The following DSE variants were observed in gnomAD, a reference collection of about 807,000 sequenced individuals.
The protein encoded by DSE is dermatan-sulfate epimerase.
Under a neutral mutation model 84.4 loss-of-function variants are expected in DSE, and 36 were observed. The ratio of observed to expected loss-of-function variants is 0.43; its 90% CI spans 0.33 to 0.56. The LOEUF (loss-of-function observed/expected upper bound fraction) is 0.56. Among genes scored for constraint, DSE ranks in the 20% least tolerant of loss-of-function variants. The pLI is 0.06. For synonymous variants in DSE, 410 were observed against 430.1 expected (o/e 0.95, Z 0.58); for missense variants, 862 against 1,169.6 (o/e 0.74, Z 3.84).
chr6:116,423,392 C>G (rs1783221161), intron 2 of DSE, among the ~76,000 whole-genome samples: 1 of 152,036 alleles, frequency 6.6e-6, no homozygotes, highest in African/African-American at 2.4e-5. Flanking sequence ...TAATTTCTTC[C>G]TATATAATAA....
chr6:116,422,189 A>G (rs1783135680), intron 2 of DSE, among the ~76,000 whole-genome samples: 1 of 152,218 alleles, frequency 6.6e-6, no homozygotes, highest in African/African-American at 2.4e-5. Flanking sequence ...CCGAATGTTG[A>G]CACATTTAAT....
At chr6:116,297,150 G>A (rs1054475149) in intron 2 of DSE, among the ~76,000 whole-genome samples, 5 of 152,028 alleles carry the variant, frequency 3.3e-5, no homozygotes, top group Admixed American at 2.6e-4. Context: ...GTGTGCTGAC[G>A]GCTTCCTACT....
chr6:116,275,596 G>T (rs113337314), intron 2 of DSE, among the ~76,000 whole-genome samples: 24 of 152,000 alleles, frequency 1.6e-4, no homozygotes, highest in Non-Finnish European at 2.6e-4. Context: ...GTCAGGAGAT[G>T]GAGACCATCC....
intron 2 of DSE, among the ~76,000 whole-genome samples, chr6:116,419,742 C>T (rs573502223): frequency 6.6e-6 from 1 of 152,240 alleles, no homozygotes; most frequent in East Asian, 1.9e-4. Flanking sequence ...TTCATTTTAA[C>T]TTAAATTTGT....
chr6:116,338,389 A>AT (rs1378003841), intron 2 of DSE, among the ~76,000 whole-genome samples: 54 of 151,112 alleles, frequency 3.6e-4, no homozygotes, highest in African/African-American at 1.3e-3. Context: ...AGCCAAGATA[A>AT]TTTTTTGTAT....
intron 2 of DSE, among the ~76,000 whole-genome samples, chr6:116,341,331 T>C (rs2114820210): frequency 6.6e-6 from 1 of 152,316 alleles, no homozygotes; most frequent in Admixed American, 6.5e-5. Flanking sequence ...ATGGGATAAT[T>C]TTTTTCGTGT....
At chr6:116,408,574 T>G (rs1003004093) in intron 2 of DSE, among the ~76,000 whole-genome samples, 2 of 152,210 alleles carry the variant, frequency 1.3e-5, no homozygotes, top group Admixed American at 6.5e-5. Context: ...CTGTGGCTGC[T>G]CCTACTTATC....
chr6:116,392,842 A>C (rs1280325681), intron 1 of DSE, among the ~76,000 whole-genome samples: 1 of 152,182 alleles, frequency 6.6e-6, no homozygotes, highest in African/African-American at 2.4e-5. Context: ...ACGGTAAACG[A>C]ATATGCTGAC....
chr6:116,372,859 T>G (rs1779690376), intron 1 of DSE, among the ~76,000 whole-genome samples: 1 of 152,242 alleles, frequency 6.6e-6, no homozygotes, highest in African/African-American at 2.4e-5. Flanking sequence ...CTCTTGGAGC[T>G]GCTAATGTAG....
At chr6:116,278,388 G>C in intron 2 of DSE, 1 of 1,224,330 alleles carries the variant, frequency 8.2e-7, no homozygotes, top group Non-Finnish European at 1.2e-6. Context: ...AATATCCAAA[G>C]GAAACAGGGT....
Position 116,350,283 on chromosome 6 carries a change from G to A in DSE, c.-53-48915G>A, listed in dbSNP as rs1188835595. Among the ~76,000 whole-genome samples, 4 of 152,252 alleles carry A rather than the reference G, an allele frequency of 2.6e-5. No individual in the cohort carries two copies. In the East Asian group the frequency reaches 5.8e-4, roughly 22 times the overall value. On this transcript the variant is annotated intron_variant, in intron 2 of 3. Coordinates refer to the DSE transcript ENST00000430252. ...TGAGGAAGAGTATGAAGATCAATGG[G>A]TATGGGCCTACATTATTCTAGGACT...
At chr6:116,292,127 A>G (rs1230310244) in intron 2 of DSE, among the ~76,000 whole-genome samples, 3 of 152,202 alleles carry the variant, frequency 2.0e-5, no homozygotes, top group African/African-American at 4.8e-5. Context: ...GATAGTTGAC[A>G]TCATCAGAGT....
In DSE at chr6:116,438,535, C is replaced by T. The variant is rs1449491345; in HGVS notation, c.*1190C>T. The T allele has an allele frequency of 6.6e-6, 1 of 152,098 alleles. No individual in the cohort carries two copies. Among genetic ancestry groups the T allele is most frequent in the African/African-American group, 2.4e-5 (1 of 41,432 alleles). The allele number at this position is 152,098 out of a possible 1,614,324, so 9.4% of individuals were successfully genotyped here. On this transcript the variant is annotated 3_prime_UTR_variant, in exon 6 of 6. Coordinates refer to ENST00000644252, the MANE Select transcript of DSE (RefSeq NM_013352.4). ...AAAGCATAAAATTTTCAATCAACTC[C>T]TCAGAAGGTAACAGCAGCATAGAAT...
intron 1 of DSE, chr6:116,258,306 G>A (rs748250042): frequency 4.9e-5 from 22 of 452,036 alleles, no homozygotes; most frequent in Non-Finnish European, 7.7e-5. Flanking sequence ...GTGAGCCACC[G>A]GACCTGGCCA....
intron 2 of DSE, among the ~76,000 whole-genome samples, chr6:116,349,026 G>A (rs929190926): frequency 6.6e-6 from 1 of 152,084 alleles, no homozygotes; most frequent in Non-Finnish European, 1.5e-5. Context: ...TAAATGATGA[G>A]TTAACAGGTG....
intron 2 of DSE, among the ~76,000 whole-genome samples, chr6:116,267,458 A>G (rs1410687205): frequency 6.9e-6 from 1 of 145,874 alleles, no homozygotes; most frequent in Non-Finnish European, 1.5e-5. Context: ...AAAAGAAAAA[A>G]TATTAGAAAA....
At chr6:116,323,932 TGA>T (rs1776473379) in intron 2 of DSE, among the ~76,000 whole-genome samples, 1 of 152,204 alleles carries the variant, frequency 6.6e-6, no homozygotes, top group Non-Finnish European at 1.5e-5. Flanking sequence ...TTTTAATGGC[TGA>T]TTTATCCAAC....
intron 1 of DSE, among the ~76,000 whole-genome samples, chr6:116,395,684 C>T (rs546911307): frequency 7.9e-5 from 12 of 152,034 alleles, no homozygotes; most frequent in African/African-American, 1.9e-4. Context: ...AAAATAAGTA[C>T]GTAAAATTAA....
Position 116,435,802 on chromosome 6 carries a change from A to T in DSE, c.1334A>T (p.Asn445Ile), listed in dbSNP as rs1423707879. Reference protein sequence around the residue: ...KYKDWIKGWRNFNAGHEHPDQ... With the variant: ...KYKDWIKGWRIFNAGHEHPDQ... ...AAAGATTGGATCAAAGGATGGAGAA[A>T]TTTTAATGCAGGGCATGAACATCCT... is the stretch of plus-strand genomic sequence containing the variant. Residue 445 changes from asparagine to isoleucine, a missense_variant, in exon 6 of 6, where the codon AAT becomes ATT. Asn to Ile is a moderately radical substitution (Grantham distance 149). Transcript: ENST00000644252. The T allele has an allele frequency of 6.2e-7, 1 of 1,614,108 alleles. No individual in the cohort carries two copies. The highest frequency in any genetic ancestry group is 2.2e-5 in the East Asian group (1 of 44,884).
Sources: gnomAD v4.1 joint callset for allele counts (sites outside exome capture counted in the v4.1 genomes callset) on GRCh38, gnomAD v4.1.1 for gene constraint, MANE v1.5 for transcripts, NCBI Gene and HGNC (gene_info 2026-07-23, HGNC 2026-07-21) for gene names.